Variants in NEIL2 observed in about 807,000 individuals in gnomAD.
NEIL2 encodes nei like DNA glycosylase 2.
In NEIL2, 23 loss-of-function variants were observed where a neutral mutation model predicts 22.2. The observed-to-expected ratio is 1.04, with a 90% confidence interval of 0.75 to 1.47. The LOEUF (loss-of-function observed/expected upper bound fraction) is 1.47. Among genes scored for constraint, NEIL2 ranks in the 40% most tolerant of loss-of-function variants. The probability of loss-of-function intolerance (pLI) is 0.00; values close to 1 mark genes in which losing one functional copy is unlikely to be tolerated. For synonymous variants in NEIL2, 229 were observed against 164.8 expected (o/e 1.39, Z -2.99); for missense variants, 583 against 404.7 (o/e 1.44, Z -3.78).
Position 11,786,375 on chromosome 8 carries a change from G to A in NEIL2, c.*102G>A. ...GCAGGGACGGGGTACAGAGGATAGTGTGGGTCAGAGGTGCCAGTAGTATAA... is the reference window on the plus strand; with the variant it reads ...GCAGGGACGGGGTACAGAGGATAGTATGGGTCAGAGGTGCCAGTAGTATAA... On this transcript the variant is annotated 3_prime_UTR_variant, in exon 5 of 5. Coordinates refer to ENST00000284503, the MANE Select transcript of NEIL2 (RefSeq NM_145043.4). 1 of 1,159,750 alleles carries A rather than the reference G, an allele frequency of 8.6e-7. No homozygotes were observed. The highest frequency in any genetic ancestry group is 1.3e-6 in the Non-Finnish European group (1 of 791,454). The allele number at this position is 1,159,750 out of a possible 1,614,324, so 71.8% of individuals were successfully genotyped here. A position where few individuals can be genotyped will look rare whatever the true frequency, so the allele number is the denominator to read the frequency against.
At position 11,779,730 on chromosome 8, in the gene NEIL2, G is replaced by T. The variant is rs759744537; in HGVS notation, c.271G>T (p.Glu91Ter). Residue 91 changes from glutamate to a stop codon, truncating the protein, a stop_gained, in exon 3 of 5, where the codon GAG becomes TAG. Transcript: ENST00000284503. LOFTEE classifies it high-confidence loss of function. ...GGCTGCGGACCCAAAGCAGGTCGGG[G>T]AGCCCAGCGGGCAGAAGACCCTTGA... ...EGAADPKQVG[E>*]PSGQKTLDGS... The T allele has an allele frequency of 1.2e-6, 2 of 1,614,224 alleles. No individual in the cohort carries two copies. Among genetic ancestry groups the T allele is most frequent in the Non-Finnish European group, 1.7e-6 (2 of 1,180,030 alleles).
intron 3 of NEIL2, chr8:11,782,951 C>T (rs112577364): frequency 2.7e-6 from 1 of 368,752 alleles, no homozygotes. Context: ...CACAGAGTGT[C>T]CTCTGACTAT....
At chr8:11,778,558 C>T (rs928018243) in intron 2 of NEIL2, among the ~76,000 whole-genome samples, 2 of 152,118 alleles carry the variant, frequency 1.3e-5, no homozygotes, top group Non-Finnish European at 1.5e-5. Flanking sequence ...TTGGTTTATA[C>T]TCCTTGAAAG....
Position 11,769,752 on chromosome 8 carries a change from C to A in NEIL2, c.-586C>A, listed in dbSNP as rs8191518. 4.6e-5 allele frequency: 7 copies of A among 152,292 alleles called. No homozygotes were observed. Among genetic ancestry groups the A allele is most frequent in the Non-Finnish European group, 7.3e-5 (5 of 68,128 alleles). 9.4% of individuals were successfully genotyped at this position (152,292 alleles called of 1,614,324 possible). Reference sequence around the variant, plus strand: ...TGGAGCGGCTGTGCGGGCTGCGTAGCGGTGCTGGGTCGGGCCGACGTGCCA... The same window carrying A: ...TGGAGCGGCTGTGCGGGCTGCGTAGAGGTGCTGGGTCGGGCCGACGTGCCA... On this transcript the variant is annotated 5_prime_UTR_variant, in exon 1 of 5. Coordinates refer to ENST00000284503, the MANE Select transcript of NEIL2 (RefSeq NM_145043.4).
intron 2 of NEIL2, among the ~76,000 whole-genome samples, chr8:11,776,273 C>G (rs1036306495): frequency 6.6e-6 from 1 of 152,226 alleles, no homozygotes; most frequent in Non-Finnish European, 1.5e-5. Flanking sequence ...GTGAGACTTA[C>G]TGTTGTGGGA....
At chr8:11,784,066 G>T (rs995835365) in intron 4 of NEIL2, among the ~76,000 whole-genome samples, 1 of 152,198 alleles carries the variant, frequency 6.6e-6, no homozygotes, top group Admixed American at 6.5e-5. Context: ...GGGAATAATT[G>T]TGCCCAAAAT....
At chr8:11,777,883 C>A (rs1380374253) in intron 2 of NEIL2, among the ~76,000 whole-genome samples, 1 of 152,230 alleles carries the variant, frequency 6.6e-6, no homozygotes, top group East Asian at 1.9e-4. Context: ...TTCAGGAGGC[C>A]AGAGCTCTAT....
intron 3 of NEIL2, among the ~76,000 whole-genome samples, chr8:11,781,086 G>C (rs1050054768): frequency 6.6e-6 from 1 of 152,088 alleles, no homozygotes; most frequent in African/African-American, 2.4e-5. Context: ...CTAAAAAAAG[G>C]CCCCTTCTGC....
intron 4 of NEIL2, 130 bp downstream of exon 4, chr8:11,783,529 A>G (rs566017421): frequency 6.9e-5 from 52 of 754,726 alleles, no homozygotes; most frequent in African/African-American, 5.7e-4. Context: ...CACTTGCTCA[A>G]TCTCCTTTCT....
intron 2 of NEIL2, among the ~76,000 whole-genome samples, 170 bp downstream of exon 2, chr8:11,771,755 C>T (rs769993141): frequency 6.6e-6 from 1 of 152,174 alleles, no homozygotes; most frequent in Non-Finnish European, 1.5e-5. Context: ...AAGTAGATAT[C>T]GCTGTGGACT....
rs1585795868 is a variant in NEIL2 at position 11,786,392 on chromosome 8, G to A, written c.*119G>A. ...AGGATAGTGTGGGTCAGAGGTGCCAGTAGTATAATATTCGTCTCCCTGGAG... is the reference window on the plus strand; with the variant it reads ...AGGATAGTGTGGGTCAGAGGTGCCAATAGTATAATATTCGTCTCCCTGGAG... On this transcript the variant is annotated 3_prime_UTR_variant, in exon 5 of 5. Transcript: ENST00000284503. 1.2e-5 allele frequency: 12 copies of A among 970,556 alleles called. No individual in the cohort carries two copies. The highest frequency in any genetic ancestry group is 1.8e-5 in the Non-Finnish European group (11 of 620,190). The allele number at this position is 970,556 out of a possible 1,614,324, so 60.1% of individuals were successfully genotyped here.
chr8:11,786,114 G>A lies in NEIL2; in HGVS notation c.840G>A (p.Pro280=), dbSNP rs1166953501. ...TGCAGGGCAAGTTCCAAGGCAGACC[G>A]CAGCACACACAGGTCTACCAGAAAG... ...AWLQGKFQGR[P]QHTQVYQKEQ... Residue 280 remains proline, a synonymous_variant, in exon 5 of 5, where the codon CCG becomes CCA. Coordinates refer to ENST00000284503, the MANE Select transcript of NEIL2 (RefSeq NM_145043.4). The A allele has an allele frequency of 5.0e-6, 8 of 1,614,006 alleles. No homozygotes were observed. Among genetic ancestry groups the A allele is most frequent in the South Asian group, 1.1e-5 (1 of 91,088 alleles).
intron 3 of NEIL2, among the ~76,000 whole-genome samples, chr8:11,781,807 C>G (rs1804444764): frequency 6.6e-6 from 1 of 152,176 alleles, no homozygotes; most frequent in Non-Finnish European, 1.5e-5. Context: ...TGTCTGTAAT[C>G]CCAGCACTTT....
At position 11,771,507 on chromosome 8, in the gene NEIL2, G is replaced by A. The variant is rs199675785; in HGVS notation, c.60G>A (p.Gln20=). 1.4e-5 allele frequency: 22 copies of A among 1,614,154 alleles called. No homozygotes were observed. In the African/African-American group the frequency reaches 2.8e-4, roughly 21 times the overall value. The change falls in exon 2 of 5, where the codon CAG becomes CAA. Residue 20 remains glutamine (Q), a synonymous_variant. Transcript: ENST00000284503. ...FHHLVSPFVG[Q]QVVKTGGSSK... The stretch of plus-strand genomic sequence containing the variant: ...ATTTGGTCTCCCCCTTTGTGGGTCA[G>A]CAGGTGGTCAAGACAGGGGGCAGCA...
At chr8:11,780,063 A>G in intron 3 of NEIL2, 113 bp downstream of exon 3, 1 of 883,526 alleles carries the variant, frequency 1.1e-6, no homozygotes, top group Non-Finnish European at 1.8e-6. Flanking sequence ...TCTGCCCCCC[A>G]GGGCCCTGCT....
chr8:11,782,249 C>T (rs1005300103), intron 3 of NEIL2, among the ~76,000 whole-genome samples: 2 of 151,854 alleles, frequency 1.3e-5, no homozygotes, highest in Non-Finnish European at 2.9e-5. Context: ...ATGATGAAAC[C>T]CCCATCTCTA....
chr8:11,774,331 C>G (rs1239260841), intron 2 of NEIL2, among the ~76,000 whole-genome samples: 1 of 152,136 alleles, frequency 6.6e-6, no homozygotes. Context: ...GCTGAGATCG[C>G]ACCTGCGCTC....
intron 3 of NEIL2, among the ~76,000 whole-genome samples, chr8:11,780,509 AGCTG>A (rs975804514): frequency 6.6e-6 from 1 of 151,978 alleles, no homozygotes; most frequent in Non-Finnish European, 1.5e-5. Context: ...GCCTCGGAGG[AGCTG>A]GGACTACAGG....
chr8:11,780,429 G>C (rs1328588381), intron 3 of NEIL2, among the ~76,000 whole-genome samples: 1 of 152,186 alleles, frequency 6.6e-6, no homozygotes, highest in Non-Finnish European at 1.5e-5. Flanking sequence ...GGCCCAGGCT[G>C]GAGTGCAGTG....
Sources: allele counts gnomAD v4.1 joint callset (sites outside exome capture counted in the v4.1 genomes callset), GRCh38; gene constraint gnomAD v4.1.1; transcripts MANE v1.5; gene names NCBI Gene and HGNC (gene_info 2026-07-23, HGNC 2026-07-21).